Variants in ELP4 observed in about 807,000 individuals in gnomAD.
ELP4 encodes elongator complex protein 4.
In ELP4, 51 loss-of-function variants were observed where a neutral mutation model predicts 48.9. That is an observed-to-expected ratio of 1.04 (90% confidence interval 0.83 to 1.32). The LOEUF is 1.32. Among genes scored for constraint, ELP4 ranks in the 40% most tolerant of loss-of-function variants. The probability of loss-of-function intolerance (pLI) is 0.00; values close to 1 mark genes in which losing one functional copy is unlikely to be tolerated. For synonymous variants in ELP4, 210 were observed against 189.2 expected (o/e 1.11, Z -0.90); for missense variants, 519 against 514.6 (o/e 1.01, Z -0.08).
intron 9 of ELP4, among the ~76,000 whole-genome samples, chr11:31,757,065 A>G (rs1160811903): frequency 6.6e-6 from 1 of 152,230 alleles, no homozygotes; most frequent in East Asian, 1.9e-4. Flanking sequence ...ATATAGAACT[A>G]TCACCAAAAA....
At chr11:31,576,980 T>C (rs1157821827) in intron 3 of ELP4, among the ~76,000 whole-genome samples, 2 of 152,130 alleles carry the variant, frequency 1.3e-5, no homozygotes, top group Non-Finnish European at 2.9e-5. Context: ...AAAAAAACTT[T>C]TCAAAAAATT....
At chr11:31,735,947 A>C (rs1208878525) in intron 9 of ELP4, among the ~76,000 whole-genome samples, 2 of 152,112 alleles carry the variant, frequency 1.3e-5, no homozygotes, top group African/African-American at 4.8e-5. Flanking sequence ...GCTACCAATG[A>C]CTTTCTTCAC....
At chr11:31,611,126 C>G (rs541863847) in intron 5 of ELP4, among the ~76,000 whole-genome samples, 1 of 152,104 alleles carries the variant, frequency 6.6e-6, no homozygotes, top group South Asian at 2.1e-4. Context: ...CTTGTTGGCT[C>G]CTGTTTTTCT....
intron 1 of ELP4, among the ~76,000 whole-genome samples, chr11:31,513,277 CTTTAT>C (rs1280182533): frequency 2.6e-5 from 4 of 152,190 alleles, no homozygotes; most frequent in African/African-American, 9.6e-5. Context: ...CAGTTCCTAG[CTTTAT>C]TTTGATTCTC....
intron 9 of ELP4, chr11:31,663,642 CAG>C (rs1945608083): frequency 6.6e-6 from 1 of 151,886 alleles, no homozygotes; most frequent in Admixed American, 6.6e-5. Flanking sequence ...CAAATTAAAA[CAG>C]TAAGTTTAAG....
intron 9 of ELP4, among the ~76,000 whole-genome samples, chr11:31,721,459 G>A (rs1213784523): frequency 6.6e-6 from 1 of 151,762 alleles, no homozygotes; most frequent in African/African-American, 2.4e-5. Flanking sequence ...AGTGGATTTT[G>A]GTTTGTTAGA....
chr11:31,605,716 G>A (rs932203386), intron 5 of ELP4, among the ~76,000 whole-genome samples: 9 of 152,104 alleles, frequency 5.9e-5, no homozygotes, highest in African/African-American at 1.9e-4. Flanking sequence ...CTGAGGTAAG[G>A]AGGGGATTAG....
rs115658300 is a variant in ELP4 at position 31,775,987 on chromosome 11, A to T, written c.1144-7406A>T. Among the ~76,000 whole-genome samples, 844 of 152,012 alleles carry T rather than the reference A, an allele frequency of 5.6e-3. 11 individuals carry two copies. The highest frequency in any genetic ancestry group is 0.02 in the African/African-American group (813 of 41,460). On this transcript the variant is annotated intron_variant, in intron 9 of 9. Coordinates refer to ENST00000640961, the MANE Select transcript of ELP4 (RefSeq NM_019040.5). ...CTCAAAAAATAAATAAATAAAAATTAAAAATTAAAAAAAATCAGTTGGACT... is the reference window on the plus strand; with the variant it reads ...CTCAAAAAATAAATAAATAAAAATTTAAAATTAAAAAAAATCAGTTGGACT...
intron 3 of ELP4, among the ~76,000 whole-genome samples, chr11:31,573,262 T>C (rs1211354494): frequency 6.6e-6 from 1 of 152,192 alleles, no homozygotes; most frequent in African/African-American, 2.4e-5. Flanking sequence ...CCAGTCTGCA[T>C]CCGTATCTTT....
At chr11:31,630,667 C>A (rs865811756) in intron 6 of ELP4, among the ~76,000 whole-genome samples, 1 of 152,040 alleles carries the variant, frequency 6.6e-6, no homozygotes, top group Admixed American at 6.6e-5. Context: ...TGGCTGGATG[C>A]AGTATCTAAC....
intron 9 of ELP4, among the ~76,000 whole-genome samples, chr11:31,711,366 G>A (rs564838731): frequency 6.6e-6 from 1 of 152,226 alleles, no homozygotes; most frequent in African/African-American, 2.4e-5. Flanking sequence ...TCTGACAGCA[G>A]TATAAAGCCA....
At chr11:31,701,287 T>C (rs1565118682) in intron 9 of ELP4, among the ~76,000 whole-genome samples, 1 of 152,136 alleles carries the variant, frequency 6.6e-6, no homozygotes, top group Non-Finnish European at 1.5e-5. Flanking sequence ...ATAAAGTCCA[T>C]TTTGAGGACT....
At chr11:31,733,309 C>G (rs1245366292) in intron 9 of ELP4, among the ~76,000 whole-genome samples, 1 of 151,836 alleles carries the variant, frequency 6.6e-6, no homozygotes, top group Non-Finnish European at 1.5e-5. Flanking sequence ...AACCCCATCT[C>G]TACTAAAAAT....
intron 9 of ELP4, among the ~76,000 whole-genome samples, chr11:31,726,763 G>A (rs943554233): frequency 3.3e-5 from 5 of 152,122 alleles, no homozygotes; most frequent in African/African-American, 4.8e-5. Context: ...TATGTAGGTC[G>A]TATCATACAG....
At chr11:31,625,675 A>G (rs1944728706) in intron 5 of ELP4, among the ~76,000 whole-genome samples, 1 of 151,868 alleles carries the variant, frequency 6.6e-6, no homozygotes, top group Non-Finnish European at 1.5e-5. Context: ...CCTATAACCC[A>G]TAGTGACATT....
intron 9 of ELP4, among the ~76,000 whole-genome samples, chr11:31,693,474 A>G (rs890078925): frequency 3.3e-5 from 5 of 152,118 alleles, no homozygotes; most frequent in African/African-American, 1.2e-4. Flanking sequence ...CCATGTCCCT[A>G]CAAAGGACAT....
chr11:31,614,845 G>T (rs1406238932), intron 5 of ELP4, among the ~76,000 whole-genome samples: 1 of 152,152 alleles, frequency 6.6e-6, no homozygotes, highest in East Asian at 1.9e-4. Flanking sequence ...GATCATGAAA[G>T]TTAAGGTAAA....
intron 9 of ELP4, among the ~76,000 whole-genome samples, chr11:31,727,299 T>C (rs1947095816): frequency 6.6e-6 from 1 of 152,114 alleles, no homozygotes; most frequent in South Asian, 2.1e-4. Flanking sequence ...AGAGTAGATA[T>C]TAATTATTTT....
Position 31,789,882 on chromosome 11 carries a change from A to G in ELP4, c.*6358A>G, listed in dbSNP as rs1949192626. 2 of 1,490,406 alleles carry G rather than the reference A, an allele frequency of 1.3e-6. No homozygotes were observed. The highest frequency in any genetic ancestry group is 1.8e-6 in the Non-Finnish European group (2 of 1,086,188). The allele number at this position is 1,490,406 out of a possible 1,614,324, so 92.3% of individuals were successfully genotyped here. A position where few individuals can be genotyped will look rare whatever the true frequency, so the allele number is the denominator to read the frequency against. ...GCTCAACTGTTGTGTCCCCATAGTC[A>G]CTGACTGAATTAACACAATATTTCC... is the stretch of plus-strand genomic sequence containing the variant. On this transcript the variant is annotated 3_prime_UTR_variant, in exon 10 of 10. Transcript: ENST00000640961.
Sources: gnomAD v4.1 joint callset for allele counts (sites outside exome capture counted in the v4.1 genomes callset) on GRCh38, gnomAD v4.1.1 for gene constraint, MANE v1.5 for transcripts, NCBI Gene and HGNC (gene_info 2026-07-23, HGNC 2026-07-21) for gene names.